Variants in DOCK4 observed in about 807,000 individuals in gnomAD.
DOCK4 encodes dedicator of cytokinesis 4, also known as dedicator of cytokinesis protein 4.
Under a neutral mutation model 268.1 loss-of-function variants are expected in DOCK4, and 97 were observed. That is an observed-to-expected ratio of 0.36 (90% CI 0.31 to 0.43). The LOEUF (loss-of-function observed/expected upper bound fraction) is 0.43. Ranked by LOEUF, DOCK4 falls within the 20% of genes least tolerant of loss-of-function variation. The pLI is 1.00. For missense variants in DOCK4, 2,145 were observed against 2,455.7 expected, an observed-to-expected ratio of 0.87 and a Z score of 2.67; for synonymous variants, 954 against 887.2, an observed-to-expected ratio of 1.08 and a Z score of -1.34.
At chr7:111,790,704 T>C (rs1246418634) in intron 30 of DOCK4, 99 bp from the exon 31 acceptor site, 19 of 1,303,340 alleles carry the variant, frequency 1.5e-5, no homozygotes, top group East Asian at 7.7e-5. Context: ...GCTAGAAATA[T>C]ATTCAATTAT....
chr7:111,820,604 G>T (rs891709202), intron 27 of DOCK4: 1 of 152,122 alleles, frequency 6.6e-6, no homozygotes, highest in East Asian at 1.9e-4. Context: ...CTGAAGTAAC[G>T]ATGGGGCAGA....
At position 111,915,839 on chromosome 7, in the gene DOCK4, C is replaced by T; in HGVS notation, c.1132G>A (p.Val378Ile). Residue 378 changes from valine (V) to isoleucine (I), a missense_variant, in exon 13 of 53, where the codon GTA becomes ATA. Val to Ile is a conservative substitution (Grantham distance 29). This residue lies in a region of DOCK4 where 1,598 missense variants were observed against 1,986.7 expected (regional missense o/e 0.80). Transcript: ENST00000428084. ...GTTATGGATACTCCATGAGAAAATA[C>T]TGATGAATATTCCCTTCTGATTTGT... ...IEQIRREYSSVFSHGVSITRK... is the reference protein window; with the variant it reads ...IEQIRREYSSIFSHGVSITRK... The T allele has an allele frequency of 6.2e-7, 1 of 1,612,434 alleles. No individual in the cohort carries two copies. The highest frequency in any genetic ancestry group is 8.5e-7 in the Non-Finnish European group (1 of 1,179,252).
At chr7:111,971,517 G>T in intron 8 of DOCK4, 1 of 193,296 alleles carries the variant, frequency 5.2e-6, no homozygotes, top group South Asian at 8.9e-5. Context: ...GCAGGAAGAC[G>T]ATTAGTTCAA....
rs182992018 is a variant in DOCK4, at chr7:111,753,149, G to A, written c.4416+2366C>T. Among the ~76,000 whole-genome samples, 286 of 152,140 alleles carry A rather than the reference G, an allele frequency of 1.9e-3. 1 individual carries two copies. Among genetic ancestry groups the A allele is most frequent in the Middle Eastern group, 6.8e-3 (2 of 294 alleles). ...ATGGTATATTATGTAACCCCTAGCA[G>A]GATCTAGGGCAGGTTCCTTTAATCA... On this transcript the variant is annotated intron_variant, in intron 42 of 52. Transcript: ENST00000428084.
rs534853485 is a variant in DOCK4, at chr7:111,995,575, C to G, written c.219-1344G>C. 3.2e-4 allele frequency among the ~76,000 whole-genome samples: 48 copies of G among 152,068 alleles called. 1 individual carries two copies. In the South Asian group the frequency reaches 1.0e-2, roughly 32 times the overall value. Reference sequence around the variant, plus strand: ...CAGTATATTTTTCTCAAGAAAACGTCTAATACATAGAAAGTAATGACATAT... The same window carrying G: ...CAGTATATTTTTCTCAAGAAAACGTGTAATACATAGAAAGTAATGACATAT... On this transcript the variant is annotated intron_variant, in intron 4 of 52. Transcript: ENST00000428084.
At chr7:112,179,619 G>A (rs1239483021) in intron 1 of DOCK4, among the ~76,000 whole-genome samples, 1 of 151,640 alleles carries the variant, frequency 6.6e-6, no homozygotes, top group Non-Finnish European at 1.5e-5. Context: ...GGAGAACACA[G>A]CTGCTTCAAA....
At chr7:111,854,667 C>T (rs560371366) in intron 23 of DOCK4, among the ~76,000 whole-genome samples, 3 of 152,292 alleles carry the variant, frequency 2.0e-5, no homozygotes, top group African/African-American at 2.4e-5. Flanking sequence ...CAGGCGTGAG[C>T]GACCGCACCC....
At chr7:111,903,809 G>C (rs978923866) in intron 13 of DOCK4, among the ~76,000 whole-genome samples, 1 of 152,184 alleles carries the variant, frequency 6.6e-6, no homozygotes. Flanking sequence ...AGATACTTTA[G>C]AGCAAAATAT....
intron 23 of DOCK4, among the ~76,000 whole-genome samples, chr7:111,855,077 A>G (rs1313926285): frequency 1.3e-5 from 2 of 152,240 alleles, no homozygotes; most frequent in African/African-American, 4.8e-5. Flanking sequence ...TTCCAAACAG[A>G]GAAAAGTAGC....
intron 1 of DOCK4, among the ~76,000 whole-genome samples, chr7:112,181,196 T>C (rs1000678202): frequency 6.6e-6 from 1 of 152,216 alleles, no homozygotes; most frequent in Non-Finnish European, 1.5e-5. Flanking sequence ...TTTGAGAAGA[T>C]AATTTGCTAT....
At chr7:111,990,966 G>A (rs2135228580) in intron 5 of DOCK4, among the ~76,000 whole-genome samples, 1 of 152,286 alleles carries the variant, frequency 6.6e-6, no homozygotes, top group Non-Finnish European at 1.5e-5. Flanking sequence ...AGTCAGTGTA[G>A]GAAGGAAAAG....
intron 1 of DOCK4, among the ~76,000 whole-genome samples, chr7:112,114,016 T>G (rs1481193818): frequency 6.6e-6 from 1 of 152,132 alleles, no homozygotes; most frequent in African/African-American, 2.4e-5. Flanking sequence ...CCTTGTTTCT[T>G]TAAAAGTACT....
chr7:111,964,702 G>A (rs1265379713), intron 8 of DOCK4, among the ~76,000 whole-genome samples: 1 of 95,410 alleles, frequency 1.0e-5, no homozygotes, highest in Admixed American at 1.2e-4. Flanking sequence ...GAAATACAGA[G>A]AACGCCACAA....
intron 46 of DOCK4, 132 bp downstream of exon 46, chr7:111,741,408 G>A: frequency 7.0e-7 from 1 of 1,420,554 alleles, no homozygotes; most frequent in Non-Finnish European, 9.6e-7. Flanking sequence ...GAGGTCTGCA[G>A]CTGCCTCGCG....
intron 1 of DOCK4, among the ~76,000 whole-genome samples, chr7:112,114,561 T>C (rs1197493394): frequency 6.6e-6 from 1 of 152,206 alleles, no homozygotes; most frequent in Non-Finnish European, 1.5e-5. Context: ...TTCACTTGTT[T>C]TCACTCTAAT....
At chr7:111,817,162 T>C (rs1483505913) in intron 27 of DOCK4, among the ~76,000 whole-genome samples, 1 of 152,250 alleles carries the variant, frequency 6.6e-6, no homozygotes, top group Non-Finnish European at 1.5e-5. Flanking sequence ...AGGAGATGGA[T>C]TGTGCAAGCA....
intron 1 of DOCK4, among the ~76,000 whole-genome samples, chr7:112,014,837 C>A (rs1351118518): frequency 2.0e-5 from 3 of 151,932 alleles, no homozygotes; most frequent in Admixed American, 2.0e-4. Flanking sequence ...CCCAGGTGTT[C>A]CAGGCTGCAG....
intron 40 of DOCK4, 126 bp downstream of exon 40, chr7:111,760,055 A>G: frequency 5.1e-6 from 6 of 1,181,038 alleles, no homozygotes; most frequent in Non-Finnish European, 7.2e-6. Context: ...AGATGATGGG[A>G]AAGAGGGAGC....
intron 25 of DOCK4, among the ~76,000 whole-genome samples, chr7:111,838,547 C>T (rs971492882): frequency 1.3e-5 from 2 of 152,000 alleles, no homozygotes; most frequent in Non-Finnish European, 2.9e-5. Context: ...GACAGAATCC[C>T]CTGCCCCTAT....
Sources: gnomAD v4.1 joint callset for allele counts (sites outside exome capture counted in the v4.1 genomes callset) on GRCh38, gnomAD v4.1.1 for gene constraint, gnomAD v4.1.1 regional missense constraint, MANE v1.5 for transcripts, NCBI Gene and HGNC (gene_info 2026-07-23, HGNC 2026-07-21) for gene names.